The following SDK2 variants were observed in gnomAD, a reference collection of about 807,000 sequenced individuals.
SDK2 encodes the protein sidekick cell adhesion molecule 2.
SDK2 carries 105 observed loss-of-function variants against 253.9 expected under a neutral mutation model. That is an observed-to-expected ratio of 0.41 (90% CI 0.35 to 0.49). SDK2 has a LOEUF of 0.49. Among genes scored for constraint, SDK2 ranks in the 20% least tolerant of loss-of-function variants. The pLI is 0.06. For missense variants in SDK2, 2,608 were observed against 3,003.0 expected (o/e 0.87, Z 3.07); for synonymous variants, 1,249 against 1,234.9 (o/e 1.01, Z -0.24).
At chr17:73,450,573 C>T (rs2063483843) in intron 4 of SDK2, among the ~76,000 whole-genome samples, 1 of 152,212 alleles carries the variant, frequency 6.6e-6, no homozygotes, top group Non-Finnish European at 1.5e-5. Flanking sequence ...CGTTCCAGTT[C>T]ACCCACCTGT....
intron 1 of SDK2, among the ~76,000 whole-genome samples, chr17:73,572,181 G>A (rs1366130667): frequency 6.6e-6 from 1 of 152,128 alleles, no homozygotes; most frequent in Non-Finnish European, 1.5e-5. Flanking sequence ...TCCTGTTGAG[G>A]GTCCCAAGAG....
At chr17:73,450,824 C>T (rs2063485633) in intron 4 of SDK2, among the ~76,000 whole-genome samples, 1 of 152,178 alleles carries the variant, frequency 6.6e-6, no homozygotes, top group South Asian at 2.1e-4. Flanking sequence ...AAGCACGCAT[C>T]CCGTGGTGCA....
intron 8 of SDK2, among the ~76,000 whole-genome samples, chr17:73,436,788 A>G (rs375950145): frequency 3.3e-4 from 50 of 152,186 alleles, no homozygotes; most frequent in African/African-American, 1.2e-3. Flanking sequence ...GATGTGTCTT[A>G]TAATCAACAG....
intron 1 of SDK2, among the ~76,000 whole-genome samples, chr17:73,641,514 G>C (rs28604911): frequency 1.3e-5 from 2 of 152,106 alleles, no homozygotes; most frequent in Non-Finnish European, 2.9e-5. Context: ...GTGACCCATC[G>C]GGCATACGGC....
In SDK2 at chr17:73,509,902, C is replaced by CAAAAAAAAAAA. The variant is rs71157018; in HGVS notation, c.65-2316_65-2306dup. Among the ~76,000 whole-genome samples, 113 of 25,372 alleles carry CAAAAAAAAAAA rather than the reference C, an allele frequency of 4.5e-3. 4 individuals are homozygous for CAAAAAAAAAAA. The highest frequency in any genetic ancestry group is 5.8e-3 in the Non-Finnish European group (83 of 14,274). The allele number at this position is 25,372 out of a possible 152,430, so 16.6% of individuals were successfully genotyped here. On this transcript the variant is annotated intron_variant, in intron 1 of 44. Transcript: ENST00000392650. ...GCAACAGAGCAAGACTCCATCTCTA[C>CAAAAAAAAAAA]AAAAAAAAAAAAAAAAAAAAGAAGG...
intron 17 of SDK2, 147 bp from the exon 18 acceptor site, chr17:73,414,906 C>T: frequency 1.7e-6 from 1 of 598,772 alleles, no homozygotes; most frequent in Non-Finnish European, 3.0e-6. Flanking sequence ...GCTGTGTAGA[C>T]TTAAGAGGCC....
intron 1 of SDK2, among the ~76,000 whole-genome samples, chr17:73,510,590 C>T (rs1362036494): frequency 6.6e-6 from 1 of 152,164 alleles, no homozygotes; most frequent in African/African-American, 2.4e-5. Flanking sequence ...GCCTCGACCT[C>T]TGGGGCGCAG....
At chr17:73,545,187 G>T (rs890081820) in intron 1 of SDK2, among the ~76,000 whole-genome samples, 2 of 151,594 alleles carry the variant, frequency 1.3e-5, no homozygotes, top group Admixed American at 1.3e-4. Context: ...TCTTGTTGGG[G>T]TTCCCCTCCC....
At chr17:73,416,342 C>T (rs2063182456) in intron 16 of SDK2, among the ~76,000 whole-genome samples, 1 of 151,536 alleles carries the variant, frequency 6.6e-6, no homozygotes, top group East Asian at 2.0e-4. Context: ...GGATTACAGG[C>T]ATGTGCCACC....
intron 3 of SDK2, among the ~76,000 whole-genome samples, chr17:73,469,977 C>T (rs768138825): frequency 9.4e-4 from 123 of 130,602 alleles, no homozygotes; most frequent in Admixed American, 2.4e-3. Context: ...ATGGCATTTG[C>T]GACTGCGCGC....
chr17:73,483,307 CTTTTTTTTTTTTT>C (rs3070666), intron 2 of SDK2, among the ~76,000 whole-genome samples: 1 of 116,932 alleles, frequency 8.6e-6, no homozygotes, highest in African/African-American at 3.2e-5. Context: ...CAAGACAGAA[CTTTTTTTTTTTTT>C]TTTTTTTTTT....
Position 73,465,983 on chromosome 17 carries a change from G to A in SDK2, c.331+6129C>T, listed in dbSNP as rs1869469751. 6.6e-6 allele frequency among the ~76,000 whole-genome samples: 1 copy of A among 152,238 alleles called. No homozygotes were observed. Among genetic ancestry groups the A allele is most frequent in the Non-Finnish European group, 1.5e-5 (1 of 68,046 alleles). Reference sequence around the variant, plus strand: ...GATTGGCAGACAGGCAGCTGCAGCAGGCCTGAAGCACAGAATCCTGGGAGG... The same window carrying A: ...GATTGGCAGACAGGCAGCTGCAGCAAGCCTGAAGCACAGAATCCTGGGAGG... On this transcript the variant is annotated intron_variant, in intron 3 of 44. Transcript: ENST00000392650. This position sits in a 1 kb window ranked among gnomAD's most constrained non-coding sequence, Gnocchi z 4.2.
At chr17:73,552,478 G>C (rs73351513) in intron 1 of SDK2, among the ~76,000 whole-genome samples, 19 of 152,300 alleles carry the variant, frequency 1.2e-4, no homozygotes, top group African/African-American at 4.6e-4. Context: ...CCTCCTGAGG[G>C]GGTGGCCGTC....
chr17:73,498,532 G>C (rs947024526), intron 2 of SDK2, among the ~76,000 whole-genome samples: 2 of 152,190 alleles, frequency 1.3e-5, no homozygotes, highest in African/African-American at 4.8e-5. Context: ...CCTGATGAAT[G>C]AACAAATGCT....
In SDK2 at chr17:73,447,786, A is replaced by C; in HGVS notation, c.480-38T>G. 6.4e-7 allele frequency: 1 copy of C among 1,550,996 alleles called. No individual in the cohort carries two copies. The highest frequency in any genetic ancestry group is 8.7e-7 in the Non-Finnish European group (1 of 1,146,584). On this transcript the variant is annotated intron_variant, in intron 4 of 44. Transcript: ENST00000392650. This position sits in a 1 kb window ranked among gnomAD's most constrained non-coding sequence, Gnocchi z 4.0. ...AAAGGATTCCTCTGACAGGGGCCTAAGGGGCTCTGAACCTCCAGGGAGTGG... is the reference window on the plus strand; with the variant it reads ...AAAGGATTCCTCTGACAGGGGCCTACGGGGCTCTGAACCTCCAGGGAGTGG...
chr17:73,432,321 G>A (rs1327884244), intron 10 of SDK2, among the ~76,000 whole-genome samples: 1 of 152,096 alleles, frequency 6.6e-6, no homozygotes, highest in Non-Finnish European at 1.5e-5. Flanking sequence ...GGGAATGCAG[G>A]TCTTTGTGAC....
At chr17:73,421,997 G>T (rs983003763) in intron 15 of SDK2, among the ~76,000 whole-genome samples, 3 of 152,172 alleles carry the variant, frequency 2.0e-5, no homozygotes, top group Non-Finnish European at 2.9e-5. Flanking sequence ...AGCCCATGCG[G>T]ATGTGGAGTG....
Position 73,455,347 on chromosome 17 carries a change from C to A in SDK2, c.479+559G>T, listed in dbSNP as rs533924561. 5.5e-4 allele frequency among the ~76,000 whole-genome samples: 83 copies of A among 152,264 alleles called. No individual in the cohort carries two copies. The East Asian group carries it at 0.012, about 22-fold the overall frequency. On this transcript the variant is annotated intron_variant, in intron 4 of 44. Transcript: ENST00000392650. The surrounding 1 kb of genome is among the most constrained non-coding windows in gnomAD (Gnocchi z 5.0). The stretch of plus-strand genomic sequence containing the variant: ...ATCCTCCTGCCCACAGGCTGGGCTG[C>A]CCCAGCCAATCCCAGGGGGCACACA...
At chr17:73,413,162 ACTC>A (rs746460002) in intron 18 of SDK2, among the ~76,000 whole-genome samples, 4 of 150,808 alleles carry the variant, frequency 2.7e-5, no homozygotes, top group Non-Finnish European at 5.9e-5. Flanking sequence ...TACCACCTAA[ACTC>A]CACCTCCCAT....
Sources: allele counts gnomAD v4.1 joint callset (sites outside exome capture counted in the v4.1 genomes callset), GRCh38; gene constraint gnomAD v4.1.1; non-coding constraint Gnocchi (gnomAD v3.1); transcripts MANE v1.5; gene names NCBI Gene and HGNC (gene_info 2026-07-23, HGNC 2026-07-21).